NR3C2: variants seen among roughly 807,000 people sequenced by gnomAD.
NR3C2 encodes the protein nuclear receptor subfamily 3 group C member 2.
Under a neutral mutation model 86.4 loss-of-function variants are expected in NR3C2, and 15 were observed. That is an observed-to-expected ratio of 0.17 (90% confidence interval 0.12 to 0.27). The LOEUF (loss-of-function observed/expected upper bound fraction) is 0.27, where lower values mean the gene tolerates loss of function less well. Among genes scored for constraint, NR3C2 ranks in the 10% least tolerant of loss-of-function variants. The probability of loss-of-function intolerance (pLI) is 1.00; values close to 1 mark genes in which losing one functional copy is unlikely to be tolerated. For missense variants in NR3C2, 960 were observed against 1,195.6 expected (o/e 0.80, Z 2.91); for synonymous variants, 458 against 450.5 (o/e 1.02, Z -0.21).
chr4:148,310,255 C>T (rs185931472), intron 2 of NR3C2, among the ~76,000 whole-genome samples: 70 of 152,296 alleles, frequency 4.6e-4, no homozygotes, highest in African/African-American at 1.6e-3. Context: ...TTTCATCATA[C>T]TTTCCCAGCA....
intron 8 of NR3C2, among the ~76,000 whole-genome samples, chr4:148,099,005 T>G (rs1247986941): frequency 1.3e-5 from 2 of 152,218 alleles, no homozygotes; most frequent in African/African-American, 2.4e-5. Context: ...TGAATTCTTA[T>G]GTACTGCTCC....
At chr4:148,105,138 C>T (rs1433041959) in intron 8 of NR3C2, among the ~76,000 whole-genome samples, 1 of 152,156 alleles carries the variant, frequency 6.6e-6, no homozygotes, top group African/African-American at 2.4e-5. Context: ...GATGCAAAAG[C>T]ACCCACTAAT....
chr4:148,205,723 T>C (rs1289928596), intron 3 of NR3C2, among the ~76,000 whole-genome samples: 1 of 152,252 alleles, frequency 6.6e-6, no homozygotes, highest in East Asian at 1.9e-4. Flanking sequence ...GGCACATGAA[T>C]AAGTGCTAAG....
intron 2 of NR3C2, among the ~76,000 whole-genome samples, chr4:148,288,119 T>C (rs925309902): frequency 6.6e-5 from 10 of 152,314 alleles, no homozygotes; most frequent in South Asian, 2.1e-4. Flanking sequence ...TCTGGTCCCA[T>C]TGATACCACG....
In NR3C2 at chr4:148,206,011, T is replaced by G. The variant is rs1337373012; in HGVS notation, c.1898-11149A>C. On this transcript the variant is annotated intron_variant, in intron 3 of 8. Transcript: ENST00000358102. ...ACTTGTTAGACCATATGACACAGTCTGGACATGAATCTTAGGCAATGGTGA... is the reference window on the plus strand; with the variant it reads ...ACTTGTTAGACCATATGACACAGTCGGGACATGAATCTTAGGCAATGGTGA... Among the ~76,000 whole-genome samples the G allele has an allele frequency of 3.3e-5, 5 of 152,208 alleles. No homozygotes were observed. In the East Asian group the frequency reaches 9.6e-4, roughly 29 times the overall value.
At chr4:148,345,087 T>C (rs992558913) in intron 2 of NR3C2, among the ~76,000 whole-genome samples, 18 of 152,188 alleles carry the variant, frequency 1.2e-4, no homozygotes, top group African/African-American at 4.3e-4. Context: ...TTTGCTTTGT[T>C]CTTTGCTTCC....
chr4:148,172,813 G>A (rs979330722), intron 4 of NR3C2, among the ~76,000 whole-genome samples: 2 of 152,310 alleles, frequency 1.3e-5, no homozygotes, highest in African/African-American at 2.4e-5. Flanking sequence ...AAAATGTGAT[G>A]AGTGCTATAA....
intron 2 of NR3C2, among the ~76,000 whole-genome samples, chr4:148,280,676 T>A (rs929623744): frequency 6.6e-6 from 1 of 152,038 alleles, no homozygotes; most frequent in African/African-American, 2.4e-5. Flanking sequence ...TTTTTTTATT[T>A]TTATGTTTTG....
chr4:148,308,456 T>G (rs1273386842), intron 2 of NR3C2, among the ~76,000 whole-genome samples: 3 of 152,042 alleles, frequency 2.0e-5, no homozygotes, highest in Admixed American at 6.6e-5. Flanking sequence ...AACTACATGA[T>G]GAGTACCAAC....
chr4:148,323,169 G>A (rs1180941660), intron 2 of NR3C2, among the ~76,000 whole-genome samples: 4 of 146,726 alleles, frequency 2.7e-5, no homozygotes, highest in African/African-American at 7.5e-5. Flanking sequence ...CTGCTGGGGG[G>A]TGCCTCCCAG....
At position 148,152,449 on chromosome 4, in the gene NR3C2, G is replaced by C. The variant is rs757350412; in HGVS notation, c.2510+20C>G. 3.5e-5 allele frequency: 57 copies of C among 1,610,256 alleles called. 1 individual carries two copies. Among genetic ancestry groups the C allele is most frequent in the Non-Finnish European group, 4.8e-5 (57 of 1,177,004 alleles). ...TAACTCTGCAGTTTATTTTATGAAG[G>C]CTAATTAATAGGTACTTACTCATTA... On this transcript the variant is annotated intron_variant, in intron 6 of 8. Transcript: ENST00000358102.
intron 2 of NR3C2, among the ~76,000 whole-genome samples, chr4:148,382,843 C>T (rs552265414): frequency 6.6e-6 from 1 of 152,150 alleles, no homozygotes; most frequent in South Asian, 2.1e-4. Context: ...AAGGAAGAAA[C>T]AGGATCTCAC....
chr4:148,137,696 G>A (rs1374996180), intron 6 of NR3C2, among the ~76,000 whole-genome samples: 3 of 152,148 alleles, frequency 2.0e-5, no homozygotes, highest in Non-Finnish European at 2.9e-5. Flanking sequence ...GTCTGAGGAC[G>A]CCAGGGTGTC....
chr4:148,248,598 A>C (rs551220153), intron 3 of NR3C2, among the ~76,000 whole-genome samples: 2 of 152,300 alleles, frequency 1.3e-5, no homozygotes, highest in African/African-American at 4.8e-5. Flanking sequence ...CTAAATTTAA[A>C]TCCTGGTCTT....
At chr4:148,141,905 T>C (rs2149754227) in intron 6 of NR3C2, among the ~76,000 whole-genome samples, 1 of 152,276 alleles carries the variant, frequency 6.6e-6, no homozygotes, top group East Asian at 1.9e-4. Flanking sequence ...GAAAATTGTC[T>C]TCCACAAAAC....
At chr4:148,199,255 G>C (rs767149491) in intron 3 of NR3C2, among the ~76,000 whole-genome samples, 2 of 151,922 alleles carry the variant, frequency 1.3e-5, no homozygotes, top group African/African-American at 4.8e-5. Context: ...ATTCAGCTCC[G>C]AACCCATCTT....
chr4:148,229,262 C>T (rs1738340731), intron 3 of NR3C2, among the ~76,000 whole-genome samples: 1 of 152,118 alleles, frequency 6.6e-6, no homozygotes, highest in African/African-American at 2.4e-5. Context: ...GAAGCCTGGC[C>T]TCTTCAGCTT....
chr4:148,096,571 T>C lies in NR3C2; in HGVS notation c.2800-15072A>G, dbSNP rs1382693323. ...AAGGCAATAGATAAGGACTGTTCTC[T>C]TCTCTTGATTCTATGATGCCACAAA... On this transcript the variant is annotated intron_variant, in intron 8 of 8. Coordinates refer to ENST00000358102, the MANE Select transcript of NR3C2 (RefSeq NM_000901.5). Among the ~76,000 whole-genome samples the C allele has an allele frequency of 2.6e-5, 4 of 152,236 alleles. No homozygotes were observed. The East Asian group carries it at 7.7e-4, about 29-fold the overall frequency.
intron 2 of NR3C2, among the ~76,000 whole-genome samples, chr4:148,283,986 C>G (rs1741386214): frequency 6.6e-6 from 1 of 152,168 alleles, no homozygotes; most frequent in Non-Finnish European, 1.5e-5. Context: ...ATTCGATTCA[C>G]TTCAGGAAAG....
Sources: gnomAD v4.1 joint callset for allele counts (sites outside exome capture counted in the v4.1 genomes callset) on GRCh38, gnomAD v4.1.1 for gene constraint, MANE v1.5 for transcripts, NCBI Gene and HGNC (gene_info 2026-07-23, HGNC 2026-07-21) for gene names.